The following MYT1L variants were observed in gnomAD, a reference collection of about 807,000 sequenced individuals.
The protein encoded by MYT1L is myelin transcription factor 1 like.
Under a neutral mutation model 126.7 loss-of-function variants are expected in MYT1L, and 12 were observed. The observed-to-expected ratio is 0.09, with a 90% confidence interval of 0.06 to 0.15. The LOEUF (loss-of-function observed/expected upper bound fraction) is 0.15, where lower values mean the gene tolerates loss of function less well. MYT1L is among the 10% of genes least tolerant of loss of function. The probability of loss-of-function intolerance (pLI) is 1.00; values close to 1 mark genes in which losing one functional copy is unlikely to be tolerated. For synonymous variants in MYT1L, 541 were observed against 604.2 expected (o/e 0.90, Z 1.53); for missense variants, 979 against 1,585.2 (o/e 0.62, Z 6.49).
rs539046463 is a variant in MYT1L at position 1,966,920 on chromosome 2, CTT to C, written c.152+12243_152+12244del. ...GCCCTGGACGAATGGCACATTGTGA[CTT>C]TGAAACAATAGATTATTTTTTTTCT... is the stretch of plus-strand genomic sequence containing the variant. On this transcript the variant is annotated intron_variant, in intron 8 of 24. Transcript: ENST00000647738. Among the ~76,000 whole-genome samples, 26 of 152,268 alleles carry C rather than the reference CTT, an allele frequency of 1.7e-4. No homozygotes were observed. The South Asian group carries it at 5.4e-3, about 32-fold the overall frequency.
intron 3 of MYT1L, among the ~76,000 whole-genome samples, chr2:2,109,975 A>C (rs2150566213): frequency 6.9e-6 from 1 of 145,432 alleles, no homozygotes; most frequent in East Asian, 2.1e-4. Context: ...ATGCATGCTT[A>C]ACAGTTCTAT....
At chr2:2,134,654 C>T (rs528855561) in intron 3 of MYT1L, among the ~76,000 whole-genome samples, 2 of 152,316 alleles carry the variant, frequency 1.3e-5, no homozygotes, top group South Asian at 4.1e-4. Flanking sequence ...AAGTGACTGT[C>T]TGCAAGCCAG....
At chr2:1,809,255 C>T (rs1253410158) in intron 21 of MYT1L, 88 bp from the exon 22 acceptor site, 1 of 1,273,624 alleles carries the variant, frequency 7.9e-7, no homozygotes, top group East Asian at 2.3e-5. Context: ...CGTAGAATAG[C>T]ATTATTAGGT....
At chr2:2,236,374 C>G (rs2094304374) in intron 2 of MYT1L, among the ~76,000 whole-genome samples, 1 of 148,776 alleles carries the variant, frequency 6.7e-6, no homozygotes, top group African/African-American at 2.5e-5. Flanking sequence ...CAGTACATCC[C>G]AACCCACCCC....
chr2:1,972,744 G>T (rs1006383148), intron 8 of MYT1L, among the ~76,000 whole-genome samples: 1 of 152,252 alleles, frequency 6.6e-6, no homozygotes, highest in Non-Finnish European at 1.5e-5. Context: ...CACCCACACT[G>T]GCAGGCAAGA....
chr2:1,839,816 A>G (rs2148382812), intron 20 of MYT1L, among the ~76,000 whole-genome samples: 1 of 152,328 alleles, frequency 6.6e-6, no homozygotes, highest in East Asian at 1.9e-4. Context: ...GAGCTAGAAG[A>G]CATTTATTTG....
chr2:2,308,590 C>T (rs535235139), intron 1 of MYT1L, among the ~76,000 whole-genome samples: 186 of 152,052 alleles, frequency 1.2e-3, no homozygotes, highest in Non-Finnish European at 2.2e-3. Context: ...TTAACTTACA[C>T]TTCAGTACAT....
chr2:2,155,094 TGCAGCCTGG>T (rs1435142025), intron 3 of MYT1L, among the ~76,000 whole-genome samples: 2 of 152,244 alleles, frequency 1.3e-5, no homozygotes, highest in African/African-American at 4.8e-5. Context: ...GCCATTGCAC[TGCAGCCTGG>T]GCAACAAGAG....
In MYT1L at chr2:1,892,239, C is replaced by CTGCTGG. The variant is rs1371789355; in HGVS notation, c.2075_2080dup (p.Thr692_Ser693dup). ...GTTGCTGCTGCTGCTGGGCGCGTAG[C>CTGCTGG]TGCTGGTGCTGCTGCTGCTGGGGCT... On this transcript the variant is annotated inframe_insertion, in exon 15 of 25. Coordinates refer to ENST00000647738, the MANE Select transcript of MYT1L (RefSeq NM_001303052.2). 6.5e-7 allele frequency: 1 copy of CTGCTGG among 1,549,762 alleles called. No individual in the cohort carries two copies. Among genetic ancestry groups the CTGCTGG allele is most frequent in the African/African-American group, 1.4e-5 (1 of 72,998 alleles).
In MYT1L at chr2:1,789,390, G is replaced by T. The variant is rs1190773176; in HGVS notation, c.*2477C>A. ...TGATTACTTAAATTAACTTAGAAAT[G>T]AATATGAACAATAAGTTATAATAAA... On this transcript the variant is annotated 3_prime_UTR_variant, in exon 25 of 25. Transcript: ENST00000647738. 6.6e-6 allele frequency: 1 copy of T among 152,088 alleles called. No individual in the cohort carries two copies. The highest frequency in any genetic ancestry group is 1.5e-5 in the Non-Finnish European group (1 of 68,028). The allele number at this position is 152,088 out of a possible 1,614,324, so 9.4% of individuals were successfully genotyped here. A position where few individuals can be genotyped will look rare whatever the true frequency, so the allele number is the denominator to read the frequency against.
chr2:2,077,993 C>T (rs545279287), intron 3 of MYT1L, among the ~76,000 whole-genome samples: 2 of 152,128 alleles, frequency 1.3e-5, no homozygotes, highest in South Asian at 4.1e-4. Context: ...TAAAACTGTG[C>T]TAATAGCTTA....
intron 18 of MYT1L, among the ~76,000 whole-genome samples, chr2:1,860,956 G>A (rs1056018288): frequency 1.3e-5 from 2 of 151,766 alleles, no homozygotes; most frequent in Admixed American, 6.6e-5. Flanking sequence ...CGGCGACCAC[G>A]CTCATGGCCA....
chr2:1,955,210 G>GA (rs35505446), intron 8 of MYT1L, among the ~76,000 whole-genome samples: 12,490 of 143,860 alleles, frequency 0.087, 905 homozygotes, highest in African/African-American at 0.2. Flanking sequence ...AGAAAATGCA[G>GA]AAAAAAAAAA....
At chr2:1,941,466 C>A (rs2056633753) in intron 9 of MYT1L, among the ~76,000 whole-genome samples, 1 of 152,208 alleles carries the variant, frequency 6.6e-6, no homozygotes, top group Non-Finnish European at 1.5e-5. Context: ...GGTTGATCTA[C>A]TTTCCAAATA....
intron 1 of MYT1L, among the ~76,000 whole-genome samples, chr2:2,300,601 G>A (rs1573349258): frequency 6.6e-6 from 1 of 152,314 alleles, no homozygotes. Flanking sequence ...AATGATAATA[G>A]TAACACTGAA....
At chr2:1,967,797 G>A (rs941413316) in intron 8 of MYT1L, among the ~76,000 whole-genome samples, 7 of 152,138 alleles carry the variant, frequency 4.6e-5, no homozygotes, top group African/African-American at 1.2e-4. Flanking sequence ...CGCAGGCCCC[G>A]AGCCCTGCCT....
intron 8 of MYT1L, among the ~76,000 whole-genome samples, chr2:1,966,425 A>G (rs1415571033): frequency 6.6e-6 from 1 of 152,222 alleles, no homozygotes; most frequent in East Asian, 1.9e-4. Flanking sequence ...ACAGTAGGAT[A>G]ACAGGGACAT....
Position 2,107,101 on chromosome 2 carries a change from C to G in MYT1L, c.-303-52978G>C, listed in dbSNP as rs549200977. Among the ~76,000 whole-genome samples, 21 of 152,346 alleles carry G rather than the reference C, an allele frequency of 1.4e-4. No individual in the cohort carries two copies. In the East Asian group the frequency reaches 2.9e-3, roughly 21 times the overall value. On this transcript the variant is annotated intron_variant, in intron 3 of 24. Coordinates refer to ENST00000647738, the MANE Select transcript of MYT1L (RefSeq NM_001303052.2). ...TCATATTGTACAATGCTTACAGAAA[C>G]CAGCCCAGGACCTGGCACACAGTTC...
rs77219299 is a variant in MYT1L, at chr2:1,932,511, A to T, written c.506-9248T>A. The stretch of plus-strand genomic sequence containing the variant: ...CTTAGAGATGAACAATGAACCAAAG[A>T]AACAGAATCCTTGTAGTCATGGCTG... On this transcript the variant is annotated intron_variant, in intron 9 of 24. Coordinates refer to ENST00000647738, the MANE Select transcript of MYT1L (RefSeq NM_001303052.2). Among the ~76,000 whole-genome samples, 748 of 152,370 alleles carry T rather than the reference A, an allele frequency of 4.9e-3. 6 individuals carry two copies. Among genetic ancestry groups the T allele is most frequent in the African/African-American group, 0.018 (732 of 41,588 alleles).
Sources: gnomAD v4.1 joint callset for allele counts (sites outside exome capture counted in the v4.1 genomes callset) on GRCh38, gnomAD v4.1.1 for gene constraint, MANE v1.5 for transcripts, NCBI Gene and HGNC (gene_info 2026-07-23, HGNC 2026-07-21) for gene names.